Variants in NCOR1 observed in about 807,000 individuals in gnomAD.
NCOR1 encodes protein phosphatase 1, regulatory subunit 109.
In NCOR1, 63 loss-of-function variants were observed where a neutral mutation model predicts 288.1. The observed-to-expected ratio is 0.22, with a 90% CI of 0.18 to 0.27. The LOEUF is 0.27. Among genes scored for constraint, NCOR1 ranks in the 10% least tolerant of loss-of-function variants. NCOR1 has a pLI of 1.00. For missense variants in NCOR1, 2,397 were observed against 3,019.2 expected (o/e 0.79, Z 4.83); for synonymous variants, 1,007 against 1,065.9 (o/e 0.94, Z 1.08).
intron 2 of NCOR1, among the ~76,000 whole-genome samples, chr17:16,192,814 G>A (rs1233300717): frequency 1.3e-5 from 2 of 151,922 alleles, no homozygotes; most frequent in East Asian, 1.9e-4. Context: ...TCAAAAACTG[G>A]AATAGGTGAT....
intron 1 of NCOR1, among the ~76,000 whole-genome samples, chr17:16,201,365 G>A (rs2090782503): frequency 6.6e-6 from 1 of 152,232 alleles, no homozygotes; most frequent in East Asian, 1.9e-4. Context: ...TTGGGAGGCC[G>A]AGGCAAGTGG....
rs750329302 is a variant in NCOR1, at chr17:16,070,175, T to C, written c.4503A>G (p.Arg1501=). The C allele has an allele frequency of 1.2e-6, 2 of 1,607,348 alleles. No individual in the cohort carries two copies. The highest frequency in any genetic ancestry group is 1.7e-6 in the Non-Finnish European group (2 of 1,176,846). ...TMSRGSPMMN[R]TSDVTISSNK... is the part of the protein sequence containing the mutation. Reference sequence around the variant, plus strand: ...ACAAAAGTAACATACCATCAGAAGTTCTGTTCATCATGGGTGAGCCTCTGG... The same window carrying C: ...ACAAAAGTAACATACCATCAGAAGTCCTGTTCATCATGGGTGAGCCTCTGG... Residue 1501 remains arginine (R), a synonymous_variant, in exon 31 of 46, where the codon AGA becomes AGG. Transcript: ENST00000268712.
At chr17:16,169,915 CATG>C (rs978728662) in intron 4 of NCOR1, among the ~76,000 whole-genome samples, 7 of 152,052 alleles carry the variant, frequency 4.6e-5, no homozygotes, top group Non-Finnish European at 8.8e-5. Flanking sequence ...AGATGATTCA[CATG>C]ATAAGGTGGG....
rs1472744747 is a variant in NCOR1, at chr17:16,139,068, T to A, written c.1292A>T (p.Tyr431Phe). The change falls in exon 12 of 46, where the codon TAT (tyrosine) becomes TTT (phenylalanine). Residue 431 changes from tyrosine (Y) to phenylalanine (F), a missense_variant. Physicochemically the swap from Tyr to Phe is conservative, Grantham distance 22 (BLOSUM62 3). Transcript: ENST00000268712. Reference sequence around the variant, plus strand: ...AACATTCATAAACTGCCTATCTTTATACACTTTCATAGGGTCCTCCATAAG... The same window carrying A: ...AACATTCATAAACTGCCTATCTTTAAACACTTTCATAGGGTCCTCCATAAG... Reference protein sequence around the residue: ...NGLMEDPMKVYKDRQFMNVWT... With the variant: ...NGLMEDPMKVFKDRQFMNVWT... 1.2e-6 allele frequency: 2 copies of A among 1,610,718 alleles called. No homozygotes were observed. Among genetic ancestry groups the A allele is most frequent in the Non-Finnish European group, 1.7e-6 (2 of 1,178,222 alleles).
intron 1 of NCOR1, among the ~76,000 whole-genome samples, chr17:16,209,384 T>C (rs932032604): frequency 1.2e-4 from 18 of 152,024 alleles, no homozygotes; most frequent in Non-Finnish European, 2.4e-4. Context: ...TCAGTATTTA[T>C]GTAAAGATTA....
intron 21 of NCOR1, among the ~76,000 whole-genome samples, chr17:16,096,083 A>C (rs1214927171): frequency 6.6e-6 from 1 of 152,158 alleles, no homozygotes; most frequent in East Asian, 1.9e-4. Flanking sequence ...TAAATGGATT[A>C]AGGGTGGTGC....
At chr17:16,207,451 T>A (rs374338822) in intron 1 of NCOR1, among the ~76,000 whole-genome samples, 4 of 151,612 alleles carry the variant, frequency 2.6e-5, no homozygotes, top group Non-Finnish European at 5.9e-5. Flanking sequence ...CCTAGAAAAA[T>A]GTAATCTTGG....
intron 3 of NCOR1, among the ~76,000 whole-genome samples, chr17:16,175,883 A>T (rs1293996521): frequency 6.6e-6 from 1 of 151,250 alleles, no homozygotes; most frequent in Non-Finnish European, 1.5e-5. Context: ...CAATCCTCTT[A>T]CCATGGCATC....
chr17:16,091,999 G>C lies in NCOR1; in HGVS notation c.2880C>G (p.Tyr960Ter). 6.2e-7 allele frequency: 1 copy of C among 1,614,158 alleles called. No homozygotes were observed. Among genetic ancestry groups the C allele is most frequent in the East Asian group, 2.2e-5 (1 of 44,894 alleles). The stretch of plus-strand genomic sequence containing the variant: ...CATGCATTGCTTTAATGTGTCGCTG[G>C]TAGAGAGCATAGCCGCTCACTGGGG... The part of the protein sequence containing the change: ...IGTPVSGYAL[Y>*]QRHIKAMHES... The change falls in exon 22 of 46, where the codon TAC (tyrosine) becomes TAG (stop). Residue 960 changes from tyrosine to a stop codon, truncating the protein, a stop_gained. Coordinates refer to ENST00000268712, the MANE Select transcript of NCOR1 (RefSeq NM_006311.4). LOFTEE classifies it high-confidence loss of function.
At chr17:16,077,824 G>A (rs1465969711) in intron 26 of NCOR1, among the ~76,000 whole-genome samples, 3 of 152,000 alleles carry the variant, frequency 2.0e-5, no homozygotes, top group African/African-American at 2.4e-5. Flanking sequence ...TTCACAGTCC[G>A]AAATCACATC....
intron 5 of NCOR1, among the ~76,000 whole-genome samples, chr17:16,164,719 C>T (rs2081643487): frequency 2.0e-5 from 3 of 151,690 alleles, no homozygotes; most frequent in Admixed American, 2.0e-4. Flanking sequence ...AAAACCAGCA[C>T]CATTGTATGG....
chr17:16,094,317 T>G (rs548615644), intron 21 of NCOR1, among the ~76,000 whole-genome samples: 2 of 152,322 alleles, frequency 1.3e-5, no homozygotes, highest in African/African-American at 4.8e-5. Flanking sequence ...ACTCAATAAA[T>G]GTCCATTTGA....
chr17:16,093,632 C>T (rs1447378333), intron 21 of NCOR1, among the ~76,000 whole-genome samples: 1 of 152,164 alleles, frequency 6.6e-6, no homozygotes, highest in African/African-American at 2.4e-5. Context: ...TTAAGACTTC[C>T]ATAGTTTTTC....
chr17:16,053,768 G>A (rs1017698077), intron 40 of NCOR1, among the ~76,000 whole-genome samples: 2 of 152,010 alleles, frequency 1.3e-5, no homozygotes, highest in Non-Finnish European at 2.9e-5. Context: ...AAAGCTGTAG[G>A]TGTCATACTA....
chr17:16,097,263 G>C (rs1456689554), intron 21 of NCOR1, among the ~76,000 whole-genome samples: 1 of 152,200 alleles, frequency 6.6e-6, no homozygotes, highest in African/African-American at 2.4e-5. Context: ...TTGGGGATTG[G>C]GGTAGGATGT....
At chr17:16,156,595 G>A (rs1402820033) in intron 6 of NCOR1, among the ~76,000 whole-genome samples, 1 of 152,058 alleles carries the variant, frequency 6.6e-6, no homozygotes, top group Non-Finnish European at 1.5e-5. Context: ...TATAGTTGTT[G>A]TGGGTTAGAA....
rs1405792577 is a variant in NCOR1 at position 16,064,154 on chromosome 17, G to A, written c.5135C>T (p.Ala1712Val). The A allele has an allele frequency of 6.2e-7, 1 of 1,614,102 alleles. No individual in the cohort carries two copies. Among genetic ancestry groups the A allele is most frequent in the Admixed American group, 1.7e-5 (1 of 60,018 alleles). ...HPTHLAAAASAEREREREREK... is the reference protein window; with the variant it reads ...HPTHLAAAASVEREREREREK... ...CCGCTCCCGTTCCCGTTCCCTCTCA[G>A]CACTTGCAGCAGCTGCAAGGTGTGT... The change falls in exon 35 of 46, where the codon GCT (alanine) becomes GTT (valine). Residue 1712 changes from alanine (A) to valine (V), a missense_variant. Physicochemically the swap from Ala to Val is moderately conservative, Grantham distance 64. Coordinates refer to ENST00000268712, the MANE Select transcript of NCOR1 (RefSeq NM_006311.4).
At chr17:16,052,320 G>A (rs1367498265) in intron 40 of NCOR1, among the ~76,000 whole-genome samples, 4 of 151,880 alleles carry the variant, frequency 2.6e-5, no homozygotes, top group East Asian at 1.9e-4. Flanking sequence ...CACGGCACCC[G>A]GCCTCAGAAT....
chr17:16,191,063 C>T (rs2153543575), intron 2 of NCOR1, among the ~76,000 whole-genome samples: 1 of 152,314 alleles, frequency 6.6e-6, no homozygotes, highest in East Asian at 1.9e-4. Context: ...TTCCTAAACT[C>T]TGAATTTGGG....
Sources: gnomAD v4.1 joint callset for allele counts (sites outside exome capture counted in the v4.1 genomes callset) on GRCh38, gnomAD v4.1.1 for gene constraint, MANE v1.5 for transcripts, NCBI Gene and HGNC (gene_info 2026-07-23, HGNC 2026-07-21) for gene names.